Variants in CACNA1E observed in about 807,000 individuals in gnomAD.
CACNA1E encodes voltage-dependent R-type calcium channel subunit alpha-1E.
CACNA1E carries 40 observed loss-of-function variants against 259.2 expected under a neutral mutation model. The ratio of observed to expected loss-of-function variants is 0.15; its 90% CI spans 0.12 to 0.20. CACNA1E has a LOEUF of 0.20. Ranked by LOEUF, CACNA1E falls within the 10% of genes least tolerant of loss-of-function variation. CACNA1E has a pLI of 1.00. For missense variants in CACNA1E, 1,874 were observed against 3,040.1 expected, an observed-to-expected ratio of 0.62 and a Z score of 9.02; for synonymous variants, 1,104 against 1,138.5, an observed-to-expected ratio of 0.97 and a Z score of 0.61.
rs907428903 is a variant in CACNA1E, at chr1:181,756,138, C to G, written c.4127+45C>G. On this transcript the variant is annotated intron_variant, in intron 29 of 47. Coordinates refer to ENST00000367573, the MANE Select transcript of CACNA1E (RefSeq NM_001205293.3). ...TGCTTGTCTGTGGCTGTGATAGGAC[C>G]CCTGGTTGCCTTGAGAAGCTGACTC... The G allele has an allele frequency of 2.6e-6, 4 of 1,557,316 alleles. No homozygotes were observed. The African/African-American group carries it at 4.1e-5, about 16-fold the overall frequency.
intron 2 of CACNA1E, among the ~76,000 whole-genome samples, chr1:181,426,850 T>A (rs184880318): frequency 1.3e-3 from 178 of 139,008 alleles, no homozygotes; most frequent in Non-Finnish European, 1.5e-3. Context: ...CCTTCACATG[T>A]CAACCCCTTC....
chr1:181,526,254 G>T (rs1667349273), intron 3 of CACNA1E, among the ~76,000 whole-genome samples: 1 of 152,024 alleles, frequency 6.6e-6, no homozygotes, highest in Non-Finnish European at 1.5e-5. Context: ...GAGGAAACCA[G>T]GGCTTAGGTG....
chr1:181,635,967 T>TA (rs1293411377), intron 6 of CACNA1E, among the ~76,000 whole-genome samples: 1 of 152,190 alleles, frequency 6.6e-6, no homozygotes, highest in Non-Finnish European at 1.5e-5. Flanking sequence ...TATGGGGTGA[T>TA]AAGTATTGTA....
intron 7 of CACNA1E, among the ~76,000 whole-genome samples, chr1:181,674,846 C>G (rs1649211461): frequency 6.6e-6 from 1 of 152,202 alleles, no homozygotes; most frequent in African/African-American, 2.4e-5. Flanking sequence ...GCCAGCTCAG[C>G]GTGCCAGGGC....
chr1:181,477,565 A>G (rs1355456886), intron 2 of CACNA1E, among the ~76,000 whole-genome samples: 1 of 152,184 alleles, frequency 6.6e-6, no homozygotes, highest in Non-Finnish European at 1.5e-5. Flanking sequence ...GGGTCTCCAG[A>G]CACTGGTCTC....
At chr1:181,647,047 T>C (rs1168749184) in intron 6 of CACNA1E, among the ~76,000 whole-genome samples, 1 of 151,758 alleles carries the variant, frequency 6.6e-6, no homozygotes, top group Non-Finnish European at 1.5e-5. Context: ...AGTGTGCCAG[T>C]CTAGGGAAGG....
At chr1:181,549,498 G>A (rs955546312) in intron 3 of CACNA1E, among the ~76,000 whole-genome samples, 3 of 152,228 alleles carry the variant, frequency 2.0e-5, no homozygotes, top group African/African-American at 4.8e-5. Flanking sequence ...GTGGTTGGGT[G>A]TAGACACAAC....
chr1:181,783,912 A>G (rs1220197333), intron 40 of CACNA1E, 128 bp downstream of exon 40: 6 of 599,408 alleles, frequency 1.0e-5, no homozygotes, highest in Non-Finnish European at 1.8e-5. Flanking sequence ...TCATCTGAAC[A>G]TCAAGTATCT....
In CACNA1E at chr1:181,580,627, T is replaced by G. The variant is rs1651428613; in HGVS notation, c.802T>G (p.Cys268Gly). Reference protein sequence around the residue: ...ILEGFDPPHPCGVQGCPAGYE... With the variant: ...ILEGFDPPHPGGVQGCPAGYE... ...AGAAGGATTTGACCCCCCTCACCCA[T>G]GTGGTGTGCAGGGCTGCCCAGCTGG... Residue 268 changes from cysteine (C) to glycine (G), a missense_variant, in exon 6 of 48, where the codon TGT becomes GGT. Cys to Gly is a radical substitution (Grantham distance 159, BLOSUM62 -3). Around this residue, in one of 14 missense-constraint regions of CACNA1E, gnomAD observed 28 missense variants for 64.6 expected, o/e 0.43. Coordinates refer to ENST00000367573, the MANE Select transcript of CACNA1E (RefSeq NM_001205293.3). 6.2e-7 allele frequency: 1 copy of G among 1,613,876 alleles called. No individual in the cohort carries two copies. The highest frequency in any genetic ancestry group is 1.3e-5 in the African/African-American group (1 of 74,936).
chr1:181,735,607 C>T (rs563746792), intron 21 of CACNA1E, among the ~76,000 whole-genome samples: 1 of 152,352 alleles, frequency 6.6e-6, no homozygotes, highest in East Asian at 1.9e-4. Context: ...CTTCGTCCTC[C>T]CAATCCTTGG....
intron 7 of CACNA1E, among the ~76,000 whole-genome samples, chr1:181,657,551 T>G (rs772319701): frequency 3.9e-5 from 6 of 152,216 alleles, no homozygotes; most frequent in Non-Finnish European, 8.8e-5. Flanking sequence ...TTTTAAATTC[T>G]ACATGTGTTA....
intron 6 of CACNA1E, among the ~76,000 whole-genome samples, chr1:181,612,268 C>G (rs1340125855): frequency 6.6e-6 from 1 of 152,202 alleles, no homozygotes; most frequent in African/African-American, 2.4e-5. Flanking sequence ...GCTACTGCAG[C>G]CTAATGCCAC....
chr1:181,401,413 T>C (rs1198880552), intron 1 of CACNA1E, among the ~76,000 whole-genome samples: 2 of 152,218 alleles, frequency 1.3e-5, no homozygotes, highest in Non-Finnish European at 2.9e-5. Context: ...AAGGTTCATG[T>C]TAGAATCTGT....
At position 181,718,178 on chromosome 1, in the gene CACNA1E, G is replaced by T. The variant is rs776822286; in HGVS notation, c.1638+11G>T. 7.0e-7 allele frequency: 1 copy of T among 1,419,180 alleles called. No homozygotes were observed. Among genetic ancestry groups the T allele is most frequent in the Non-Finnish European group, 9.9e-7 (1 of 1,006,122 alleles). 87.9% of individuals were successfully genotyped at this position (1,419,180 alleles called of 1,614,324 possible). On this transcript the variant is annotated intron_variant, in intron 12 of 47. Coordinates refer to ENST00000367573, the MANE Select transcript of CACNA1E (RefSeq NM_001205293.3). ...TGCTTTGATTTTGGGGTAAGTCCTC[G>T]GAAGCCTGCCTCTGCTCCTGCTTCG...
At chr1:181,747,649 AATATCTG>A (rs1333194115) in intron 25 of CACNA1E, among the ~76,000 whole-genome samples, 1 of 152,198 alleles carries the variant, frequency 6.6e-6, no homozygotes, top group East Asian at 1.9e-4. Flanking sequence ...GCAGTGTAAA[AATATCTG>A]ATTATAATTT....
At chr1:181,405,730 A>ATAAC (rs1657417239) in intron 1 of CACNA1E, among the ~76,000 whole-genome samples, 1 of 152,198 alleles carries the variant, frequency 6.6e-6, no homozygotes, top group Non-Finnish European at 1.5e-5. Context: ...CCAGTGGTTA[A>ATAAC]GCAGGGCCAG....
chr1:181,474,439 A>G (rs1439111726), intron 2 of CACNA1E, among the ~76,000 whole-genome samples: 1 of 152,248 alleles, frequency 6.6e-6, no homozygotes, highest in Admixed American at 6.5e-5. Context: ...AGAGCCTGTA[A>G]TTCTTCACAT....
At chr1:181,740,352 C>G (rs1656451651) in intron 25 of CACNA1E, among the ~76,000 whole-genome samples, 1 of 152,168 alleles carries the variant, frequency 6.6e-6, no homozygotes, top group African/African-American at 2.4e-5. Flanking sequence ...AGAAAGAGAT[C>G]ACCCTTGGAA....
At chr1:181,403,317 A>T (rs1420086370) in intron 1 of CACNA1E, among the ~76,000 whole-genome samples, 1 of 151,480 alleles carries the variant, frequency 6.6e-6, no homozygotes, top group African/African-American at 2.4e-5. Context: ...ATTAACCATT[A>T]TTTTTATTGA....
Sources: allele counts gnomAD v4.1 joint callset (sites outside exome capture counted in the v4.1 genomes callset), GRCh38; gene constraint gnomAD v4.1.1; regional missense constraint gnomAD v4.1.1; transcripts MANE v1.5; gene names NCBI Gene and HGNC (gene_info 2026-07-23, HGNC 2026-07-21).